PRH1: variants seen among roughly 807,000 people sequenced by gnomAD.
The protein encoded by PRH1 is proline rich protein HaeIII subfamily 1.
Under a neutral mutation model 7.9 loss-of-function variants are expected in PRH1, and 7 were observed. The ratio of observed to expected loss-of-function variants is 0.89; its 90% CI spans 0.50 to 1.67. PRH1 has a LOEUF of 1.67. PRH1 is among the 40% of genes most tolerant of loss of function. PRH1 has a pLI of 0.00. For missense variants in PRH1, 109 were observed against 223.6 expected (o/e 0.49, Z 3.27); for synonymous variants, 45 against 80.8 (o/e 0.56, Z 2.38).
chr12:11,066,220 T>G (rs1192040442), intron 1 of PRH1, among the ~76,000 whole-genome samples: 1 of 148,870 alleles, frequency 6.7e-6, no homozygotes, highest in Non-Finnish European at 1.5e-5. Flanking sequence ...TTTATAGAAC[T>G]ATAACTTTCG....
intron 1 of PRH1, among the ~76,000 whole-genome samples, chr12:11,105,888 A>G (rs1052807214): frequency 2.0e-5 from 3 of 152,132 alleles, no homozygotes; most frequent in African/African-American, 7.2e-5. Context: ...CAGAAAGGCC[A>G]ATAATTCTTA....
intron 1 of PRH1, among the ~76,000 whole-genome samples, chr12:10,993,985 T>C (rs1051809589): frequency 1.1e-4 from 16 of 152,192 alleles, no homozygotes; most frequent in Non-Finnish European, 2.1e-4. Context: ...TTAACCCATG[T>C]ATAAAGCCCT....
chr12:10,910,779 T>C (rs928545750), intron 2 of PRH1, among the ~76,000 whole-genome samples: 1 of 152,176 alleles, frequency 6.6e-6, no homozygotes, highest in Admixed American at 6.6e-5. Flanking sequence ...TATAAGATAA[T>C]AAGTAGCCAT....
At chr12:10,882,928 C>A in intron 2 of PRH1, 133 bp downstream of exon 2, 1 of 1,440,032 alleles carries the variant, frequency 6.9e-7, no homozygotes, top group Non-Finnish European at 9.6e-7. Context: ...TGGGAGAAAA[C>A]TGTTTGTATC....
chr12:10,970,738 G>A (rs11054116), intron 2 of PRH1, among the ~76,000 whole-genome samples: 36,770 of 151,524 alleles, frequency 0.24, 4,471 homozygotes, highest in Non-Finnish European at 0.25. Flanking sequence ...CTAATTTTTT[G>A]TATTTTCTAG....
chr12:11,051,943 G>A (rs1419607462), upstream of PRH1, among the ~76,000 whole-genome samples: 12 of 78,558 alleles, frequency 1.5e-4, no homozygotes, highest in South Asian at 6.0e-3. Context: ...TCTACAATGA[G>A]CATTCTTTCA....
chr12:11,100,971 T>G (rs763363552), intron 1 of PRH1, among the ~76,000 whole-genome samples: 3 of 152,202 alleles, frequency 2.0e-5, no homozygotes, highest in Non-Finnish European at 4.4e-5. Context: ...ACATTTTTAA[T>G]ACATTTAATT....
chr12:11,150,815 T>TATA (rs1179088020), intron 1 of PRH1, among the ~76,000 whole-genome samples: 3 of 152,186 alleles, frequency 2.0e-5, no homozygotes, highest in Admixed American at 1.3e-4. Context: ...AAACTTAAAG[T>TATA]ATAATAATAA....
At chr12:10,881,795 C>T (rs1350765924) in intron 3 of PRH1, among the ~76,000 whole-genome samples, 3 of 152,032 alleles carry the variant, frequency 2.0e-5, no homozygotes, top group Non-Finnish European at 2.9e-5. Context: ...AAATGAGATA[C>T]CATTTTACAA....
intron 2 of PRH1, chr12:10,932,450 T>C (rs1054601371): frequency 5.2e-6 from 1 of 193,468 alleles, no homozygotes; most frequent in Non-Finnish European, 1.1e-5. Context: ...CTTATCCTTA[T>C]TAAGTCATCT....
At chr12:11,031,225 C>A (rs1391837663) in intron 1 of PRH1, 1 of 1,614,100 alleles carries the variant, frequency 6.2e-7, no homozygotes, top group Non-Finnish European at 8.5e-7. Flanking sequence ...TCTTTTGTCT[C>A]TTGACCCGCT....
rs187026678 is a variant in PRH1, at chr12:10,942,511, C to A, written c.-59+31144G>T. On this transcript the variant is annotated intron_variant, in intron 2 of 3. Transcript: ENST00000539853. ...GTGAGAGAACGCTGGCAGTCACAGG[C>A]CTGACCCAGCTCCCATGCAATCCAA... is the stretch of plus-strand genomic sequence containing the variant. 1.1e-4 allele frequency among the ~76,000 whole-genome samples: 17 copies of A among 152,216 alleles called. No homozygotes were observed. The East Asian group carries it at 3.3e-3, about 29-fold the overall frequency.
At chr12:11,023,416 T>G (rs561362411) in intron 1 of PRH1, among the ~76,000 whole-genome samples, 3 of 152,290 alleles carry the variant, frequency 2.0e-5, no homozygotes, top group Admixed American at 2.0e-4. Flanking sequence ...CTTTGGTATA[T>G]TTACACTCAA....
chr12:11,013,438 C>T (rs1941150721), intron 1 of PRH1, among the ~76,000 whole-genome samples: 1 of 151,906 alleles, frequency 6.6e-6, no homozygotes, highest in South Asian at 2.1e-4. Context: ...ACACCATACA[C>T]AAAAAATAAC....
chr12:10,970,353 T>A (rs1284657027), intron 2 of PRH1, among the ~76,000 whole-genome samples: 1 of 152,178 alleles, frequency 6.6e-6, no homozygotes, highest in Non-Finnish European at 1.5e-5. Context: ...ATCATCCGTA[T>A]AATTTAATAT....
chr12:11,022,080 C>T (rs1346283387), intron 1 of PRH1: 2 of 1,613,918 alleles, frequency 1.2e-6, no homozygotes, highest in East Asian at 2.2e-5. Context: ...ATTTGATCTT[C>T]CAAGTCACAT....
At chr12:10,997,419 C>T in intron 1 of PRH1, 8 of 1,614,060 alleles carry the variant, frequency 5.0e-6, no homozygotes, top group Non-Finnish European at 6.8e-6. Flanking sequence ...TCTGTCCACA[C>T]ATTTATATAC....
At chr12:11,000,265 A>C (rs1166772784) in intron 1 of PRH1, among the ~76,000 whole-genome samples, 1 of 152,148 alleles carries the variant, frequency 6.6e-6, no homozygotes, top group Non-Finnish European at 1.5e-5. Flanking sequence ...AATTATGCAC[A>C]TATTTATCAT....
intron 1 of PRH1, chr12:10,997,848 A>T: frequency 6.2e-7 from 1 of 1,602,380 alleles, no homozygotes; most frequent in Non-Finnish European, 8.5e-7. Context: ...ACTAGAATGG[A>T]AAAAACAATG....
Sources: allele counts gnomAD v4.1 joint callset (sites outside exome capture counted in the v4.1 genomes callset), GRCh38; gene constraint gnomAD v4.1.1; transcripts MANE v1.5; gene names NCBI Gene and HGNC (gene_info 2026-07-23, HGNC 2026-07-21).